The following JAKMIP1 variants were observed in gnomAD, a reference collection of about 807,000 sequenced individuals.
The protein encoded by JAKMIP1 is janus kinase and microtubule interacting protein 1.
In JAKMIP1, 33 loss-of-function variants were observed where a neutral mutation model predicts 113.0. The ratio of observed to expected loss-of-function variants is 0.29; its 90% CI spans 0.22 to 0.39. JAKMIP1 has a LOEUF of 0.39. Ranked by LOEUF, JAKMIP1 falls within the 10% of genes least tolerant of loss-of-function variation. JAKMIP1 has a pLI of 1.00. For missense variants in JAKMIP1, 813 were observed against 1,080.5 expected, an observed-to-expected ratio of 0.75 and a Z score of 3.47; for synonymous variants, 480 against 459.9, an observed-to-expected ratio of 1.04 and a Z score of -0.56.
rs895062853 is a variant in JAKMIP1, at chr4:6,140,261, T to C, written c.-147-27264A>G. Among the ~76,000 whole-genome samples, 1 of 151,742 alleles carries C rather than the reference T, an allele frequency of 6.6e-6. No homozygotes were observed. Among genetic ancestry groups the C allele is most frequent in the Non-Finnish European group, 1.5e-5 (1 of 67,900 alleles). ...TTTTCTTTTTTCCTCTTTTTTTTTTTTTTTTCTGTGGGGAGGGACTTTCAC... is the reference window on the plus strand; with the variant it reads ...TTTTCTTTTTTCCTCTTTTTTTTTTCTTTTTCTGTGGGGAGGGACTTTCAC... On this transcript the variant is annotated intron_variant, in intron 1 of 20. Coordinates refer to ENST00000409021, the MANE Select transcript of JAKMIP1 (RefSeq NM_001099433.2). This position sits in a 1 kb window ranked among gnomAD's most constrained non-coding sequence, Gnocchi z 9.4.
intron 8 of JAKMIP1, chr4:6,070,021 A>C: frequency 2.5e-6 from 1 of 398,646 alleles, no homozygotes; most frequent in Admixed American, 4.4e-5. Context: ...ACCGCCAGAG[A>C]ACCTCAAAAC....
intron 1 of JAKMIP1, among the ~76,000 whole-genome samples, chr4:6,190,052 C>T (rs1167887035): frequency 8.5e-5 from 13 of 152,192 alleles, no homozygotes; most frequent in Non-Finnish European, 4.4e-5. Context: ...TGACTTCATT[C>T]ACTCAATCCT....
intron 19 of JAKMIP1, 102 bp downstream of exon 19, chr4:6,035,802 G>A (rs73795705): frequency 0.011 from 11,386 of 997,192 alleles, 354 homozygotes; most frequent in African/African-American, 0.1. Context: ...AACTCTCCCT[G>A]GAATGAGCCT....
chr4:6,042,144 A>T lies in JAKMIP1; in HGVS notation c.2097+15T>A, dbSNP rs538781686. 1 of 1,609,676 alleles carries T rather than the reference A, an allele frequency of 6.2e-7. No individual in the cohort carries two copies. The highest frequency in any genetic ancestry group is 1.7e-5 in the Admixed American group (1 of 60,016). On this transcript the variant is annotated intron_variant, in intron 17 of 20. Transcript: ENST00000409021. This position sits in a 1 kb window ranked among gnomAD's most constrained non-coding sequence, Gnocchi z 5.2. ...TGAACCCTCTCCCCCACCCCCAGGC[A>T]GTCAAATCTTTTACCTTCTCCTTCT...
rs556752366 is a variant in JAKMIP1, at chr4:6,093,324, C to T, written c.625-7695G>A. 3.9e-5 allele frequency among the ~76,000 whole-genome samples: 6 copies of T among 152,290 alleles called. No individual in the cohort carries two copies. The highest frequency in any genetic ancestry group is 2.1e-4 in the South Asian group (1 of 4,828). On this transcript the variant is annotated intron_variant, in intron 3 of 20. Transcript: ENST00000409021. This position sits in a 1 kb window ranked among gnomAD's most constrained non-coding sequence, Gnocchi z 4.6. The stretch of plus-strand genomic sequence containing the variant: ...CTGTAAGCGCTTTGCTGCCTGGAAT[C>T]GTGTCTTATTTTTCTCTATAACTCA...
chr4:6,177,530 C>G (rs551022807), intron 1 of JAKMIP1, among the ~76,000 whole-genome samples: 34 of 152,302 alleles, frequency 2.2e-4, no homozygotes, highest in Admixed American at 2.2e-3. Context: ...CCTGGGCTTC[C>G]CTGTCAGTTG....
rs1314675157 is a variant in JAKMIP1 at position 6,199,363 on chromosome 4, C to CTGGG, written c.-148+886_-148+889dup. 6.6e-6 allele frequency among the ~76,000 whole-genome samples: 1 copy of CTGGG among 152,184 alleles called. No individual in the cohort carries two copies. The highest frequency in any genetic ancestry group is 1.5e-5 in the Non-Finnish European group (1 of 68,026). On this transcript the variant is annotated intron_variant, in intron 1 of 20. Coordinates refer to ENST00000409021, the MANE Select transcript of JAKMIP1 (RefSeq NM_001099433.2). This position sits in a 1 kb window ranked among gnomAD's most constrained non-coding sequence, Gnocchi z 5.6. ...CGCCAGCCTCGTAAGCGGCCTCTAT[C>CTGGG]TGGGCTGCCCAGGCCGGATGCTCAG... is the stretch of plus-strand genomic sequence containing the variant.
At chr4:6,146,993 T>C (rs975867621) in intron 1 of JAKMIP1, among the ~76,000 whole-genome samples, 1 of 151,974 alleles carries the variant, frequency 6.6e-6, no homozygotes, top group Non-Finnish European at 1.5e-5. Context: ...AGTTTTGCTC[T>C]TGTTGCCCAG....
chr4:6,175,268 A>C (rs2109029866), intron 1 of JAKMIP1, among the ~76,000 whole-genome samples: 1 of 152,272 alleles, frequency 6.6e-6, no homozygotes, highest in South Asian at 2.1e-4. Flanking sequence ...ATGTGATAGA[A>C]CCGGGACACA....
intron 1 of JAKMIP1, among the ~76,000 whole-genome samples, chr4:6,144,055 A>G (rs1720516613): frequency 1.3e-5 from 2 of 152,236 alleles, no homozygotes; most frequent in South Asian, 4.1e-4. Context: ...GAGGAGCTGC[A>G]TCATGACACA....
chr4:6,071,136 C>T (rs1288387960), intron 8 of JAKMIP1, among the ~76,000 whole-genome samples: 2 of 152,242 alleles, frequency 1.3e-5, no homozygotes, highest in Non-Finnish European at 2.9e-5. Flanking sequence ...AAGTTTCCAT[C>T]AGATGAACTG....
Position 6,192,233 on chromosome 4 carries a change from A to G in JAKMIP1, c.-148+8020T>C, listed in dbSNP as rs1727356298. 6.6e-6 allele frequency among the ~76,000 whole-genome samples: 1 copy of G among 152,084 alleles called. No individual in the cohort carries two copies. Reference sequence around the variant, plus strand: ...CAGGCGTGAGCCACCGCGCCTGGCCAGGGTGTATTTTTCACTCACAGTCCA... The same window carrying G: ...CAGGCGTGAGCCACCGCGCCTGGCCGGGGTGTATTTTTCACTCACAGTCCA... On this transcript the variant is annotated intron_variant, in intron 1 of 20. Transcript: ENST00000409021. The surrounding 1 kb of genome is among the most constrained non-coding windows in gnomAD (Gnocchi z 5.0).
At position 6,065,741 on chromosome 4, in the gene JAKMIP1, G is replaced by T. The variant is rs1352850817; in HGVS notation, c.1303-733C>A. 6.6e-6 allele frequency among the ~76,000 whole-genome samples: 1 copy of T among 152,226 alleles called. No individual in the cohort carries two copies. Among genetic ancestry groups the T allele is most frequent in the Non-Finnish European group, 1.5e-5 (1 of 68,042 alleles). On this transcript the variant is annotated intron_variant, in intron 8 of 20. Coordinates refer to ENST00000409021, the MANE Select transcript of JAKMIP1 (RefSeq NM_001099433.2). This position sits in a 1 kb window ranked among gnomAD's most constrained non-coding sequence, Gnocchi z 5.1. ...GGCTCTATGTGACGGCCTCTGAGTT[G>T]CCCTGCTGGCACTTCTCCCACTCCA...
In JAKMIP1 at chr4:6,137,076, G is replaced by A. The variant is rs1375614429; in HGVS notation, c.-147-24079C>T. Among the ~76,000 whole-genome samples, 1 of 152,006 alleles carries A rather than the reference G, an allele frequency of 6.6e-6. No homozygotes were observed. The highest frequency in any genetic ancestry group is 1.5e-5 in the Non-Finnish European group (1 of 68,002). ...ACTCCTACACGGTGTCCCCTCCGATGTGCCCCCACCGAGGGAATAATCACT... is the reference window on the plus strand; with the variant it reads ...ACTCCTACACGGTGTCCCCTCCGATATGCCCCCACCGAGGGAATAATCACT... On this transcript the variant is annotated intron_variant, in intron 1 of 20. Transcript: ENST00000409021. This position sits in a 1 kb window ranked among gnomAD's most constrained non-coding sequence, Gnocchi z 4.5.
At chr4:6,082,343 C>T (rs934636233) in intron 5 of JAKMIP1, among the ~76,000 whole-genome samples, 1 of 151,870 alleles carries the variant, frequency 6.6e-6, no homozygotes, top group Non-Finnish European at 1.5e-5. Context: ...TACCATGTGA[C>T]CCATGCATTC....
rs1716515930 is a variant in JAKMIP1, at chr4:6,056,668, G to A, written c.1707+29C>T. The A allele has an allele frequency of 3.1e-6, 5 of 1,592,034 alleles. No homozygotes were observed. The African/African-American group carries it at 5.4e-5, about 17-fold the overall frequency. On this transcript the variant is annotated intron_variant, in intron 12 of 20. Transcript: ENST00000409021. ...GCGGGGTCCCAACTGCCCTGCGGCT[G>A]TGTGCTTCCCTGAGGTGGGGTCACG...
chr4:6,065,060 C>T lies in JAKMIP1; in HGVS notation c.1303-52G>A. 6.2e-7 allele frequency: 1 copy of T among 1,610,306 alleles called. No individual in the cohort carries two copies. ...AGCAACGACTGAGGATTGCCAGAGT[C>T]TACCAGTCCCTGGTCGTGGGCATGC... On this transcript the variant is annotated intron_variant, in intron 8 of 20. Coordinates refer to ENST00000409021, the MANE Select transcript of JAKMIP1 (RefSeq NM_001099433.2). The surrounding 1 kb of genome is among the most constrained non-coding windows in gnomAD (Gnocchi z 5.1).
At position 6,091,176 on chromosome 4, in the gene JAKMIP1, T is replaced by C. The variant is rs147475486; in HGVS notation, c.625-5547A>G. Among the ~76,000 whole-genome samples, 362 of 152,332 alleles carry C rather than the reference T, an allele frequency of 2.4e-3. 2 individuals carry two copies. Among genetic ancestry groups the C allele is most frequent in the African/African-American group, 8.3e-3 (343 of 41,574 alleles). On this transcript the variant is annotated intron_variant, in intron 3 of 20. Coordinates refer to ENST00000409021, the MANE Select transcript of JAKMIP1 (RefSeq NM_001099433.2). ...GTGGGTGAATAGGAGAAATGAACGT[T>C]TGATTTTTTCACTCCTTCTCCTAAG... is the stretch of plus-strand genomic sequence containing the variant.
rs1036307802 is a variant in JAKMIP1, at chr4:6,065,335, C to A, written c.1303-327G>T. Among the ~76,000 whole-genome samples, 1 of 152,200 alleles carries A rather than the reference C, an allele frequency of 6.6e-6. No homozygotes were observed. Among genetic ancestry groups the A allele is most frequent in the Non-Finnish European group, 1.5e-5 (1 of 68,038 alleles). The stretch of plus-strand genomic sequence containing the variant: ...GCAAATGGATTGAGAAGCCACCTCA[C>A]CTGTGAGCACAAAAGGGGGCCATGC... On this transcript the variant is annotated intron_variant, in intron 8 of 20. Transcript: ENST00000409021. The surrounding 1 kb of genome is among the most constrained non-coding windows in gnomAD (Gnocchi z 5.1).
Sources: allele counts gnomAD v4.1 joint callset (sites outside exome capture counted in the v4.1 genomes callset), GRCh38; gene constraint gnomAD v4.1.1; non-coding constraint Gnocchi (gnomAD v3.1); transcripts MANE v1.5; gene names NCBI Gene and HGNC (gene_info 2026-07-23, HGNC 2026-07-21).